KCTD20: variants seen among roughly 807,000 people sequenced by gnomAD.
KCTD20 encodes the protein BTB/POZ domain-containing protein KCTD20.
A neutral mutation model predicts 39.6 loss-of-function variants in KCTD20; 30 were observed. The ratio of observed to expected loss-of-function variants is 0.76; its 90% CI spans 0.57 to 1.03. The LOEUF is 1.03. KCTD20 is among the 50% of genes least tolerant of loss of function. The pLI, the probability that KCTD20 is intolerant of heterozygous loss-of-function variation, is 0.00. For missense variants in KCTD20, 422 were observed against 522.0 expected (o/e 0.81, Z 1.87); for synonymous variants, 162 against 180.6 (o/e 0.90, Z 0.83).
intron 5 of KCTD20, 151 bp downstream of exon 5, chr6:36,479,862 G>A: frequency 1.6e-6 from 1 of 642,314 alleles, no homozygotes; most frequent in Non-Finnish European, 2.4e-6. Context: ...CACGATCTCG[G>A]CTTACCGCAA....
rs2127454644 is a variant in KCTD20, at chr6:36,481,777, G to A, written c.856+18G>A. On this transcript the variant is annotated intron_variant, in intron 6 of 7. Transcript: ENST00000373731. Reference sequence around the variant, plus strand: ...TTCCCAAAGTAGGAGCTTCTGGCATGGCGTAGATGTTTTCAGCAAGAAACT... The same window carrying A: ...TTCCCAAAGTAGGAGCTTCTGGCATAGCGTAGATGTTTTCAGCAAGAAACT... 1.9e-6 allele frequency: 3 copies of A among 1,611,190 alleles called. No individual in the cohort carries two copies. In the East Asian group the frequency reaches 6.7e-5, roughly 36 times the overall value.
At chr6:36,448,431 C>CTTAA (rs1775125062) in intron 1 of KCTD20, among the ~76,000 whole-genome samples, 1 of 152,168 alleles carries the variant, frequency 6.6e-6, no homozygotes, top group African/African-American at 2.4e-5. Flanking sequence ...GATCACAGTA[C>CTTAA]ATATCTTAAA....
chr6:36,486,747 A>G, intron 7 of KCTD20, 136 bp from the exon 8 acceptor site: 1 of 725,740 alleles, frequency 1.4e-6, no homozygotes, highest in Non-Finnish European at 2.4e-6. Flanking sequence ...AAAGCATGGG[A>G]CAGGGACTGG....
intron 2 of KCTD20, among the ~76,000 whole-genome samples, chr6:36,473,750 G>A (rs1406858750): frequency 6.6e-6 from 1 of 152,034 alleles, no homozygotes; most frequent in Non-Finnish European, 1.5e-5. Flanking sequence ...TCCAGCCTGG[G>A]CGACAGTGTG....
At chr6:36,483,136 A>T (rs981431930) in intron 6 of KCTD20, among the ~76,000 whole-genome samples, 8 of 148,380 alleles carry the variant, frequency 5.4e-5, no homozygotes, top group Admixed American at 6.8e-5. Flanking sequence ...AAAAAAAAAA[A>T]ATTATACCTT....
intron 1 of KCTD20, among the ~76,000 whole-genome samples, chr6:36,458,183 G>T (rs1433479529): frequency 6.6e-6 from 1 of 152,120 alleles, no homozygotes; most frequent in Admixed American, 6.5e-5. Flanking sequence ...CTCCTGAGTA[G>T]CTGGGACCAC....
intron 1 of KCTD20, among the ~76,000 whole-genome samples, chr6:36,456,864 T>C (rs1775452522): frequency 6.6e-6 from 1 of 152,024 alleles, no homozygotes; most frequent in Non-Finnish European, 1.5e-5. Context: ...ATGGCGGTCT[T>C]GGTGTGTTGT....
chr6:36,475,100 C>T lies in KCTD20; in HGVS notation c.434+38C>T, dbSNP rs1046143021. 7.0e-6 allele frequency: 11 copies of T among 1,580,850 alleles called. No individual in the cohort carries two copies. In the Admixed American group the frequency reaches 9.0e-5, roughly 13 times the overall value. ...AATTTTCTTCCAAATTCATTCTGTTCTCTATAAATAAAAATACCTGCTGTT... is the reference window on the plus strand; with the variant it reads ...AATTTTCTTCCAAATTCATTCTGTTTTCTATAAATAAAAATACCTGCTGTT... On this transcript the variant is annotated intron_variant, in intron 3 of 7. Coordinates refer to ENST00000373731, the MANE Select transcript of KCTD20 (RefSeq NM_173562.5).
intron 3 of KCTD20, 105 bp downstream of exon 3, chr6:36,475,167 T>C: frequency 8.2e-7 from 1 of 1,226,034 alleles, no homozygotes; most frequent in Non-Finnish European, 1.1e-6. Context: ...TTGTATAGGT[T>C]GGGCGCGGTG....
rs1471736781 is a variant in KCTD20 at position 36,470,235 on chromosome 6, T to C, written c.138T>C (p.Tyr46=). 8 of 1,612,382 alleles carry C rather than the reference T, an allele frequency of 5.0e-6. No homozygotes were observed. The highest frequency in any genetic ancestry group is 6.8e-6 in the Non-Finnish European group (8 of 1,179,068). Residue 46 remains tyrosine, a synonymous_variant, in exon 2 of 8, where the codon TAT becomes TAC. Coordinates refer to ENST00000373731, the MANE Select transcript of KCTD20 (RefSeq NM_173562.5). Reference sequence around the variant, plus strand: ...CATCTGGTCCTCATAATCTTACTTATCCTCTAGGTCCCAGGAATGAAGGTA... The same window carrying C: ...CATCTGGTCCTCATAATCTTACTTACCCTCTAGGTCCCAGGAATGAAGGTA... ...LASSGPHNLT[Y]PLGPRNEDLS...
intron 1 of KCTD20, among the ~76,000 whole-genome samples, chr6:36,457,740 A>G (rs1775481617): frequency 6.6e-6 from 1 of 152,216 alleles, no homozygotes; most frequent in African/African-American, 2.4e-5. Flanking sequence ...TTATAGATTT[A>G]ATATGCTAAT....
chr6:36,479,019 A>C, intron 3 of KCTD20, 102 bp from the exon 4 acceptor site: 1 of 753,232 alleles, frequency 1.3e-6, no homozygotes, highest in East Asian at 2.5e-5. Context: ...ATACTATGAG[A>C]GAGTGGGATG....
In KCTD20 at chr6:36,486,904, AAATT is replaced by A; in HGVS notation, c.992_995del (p.Ile331ArgfsTer48). 6.2e-7 allele frequency: 1 copy of A among 1,612,868 alleles called. No individual in the cohort carries two copies. Among genetic ancestry groups the A allele is most frequent in the East Asian group, 2.2e-5 (1 of 44,886 alleles). On this transcript the variant is annotated frameshift_variant, in exon 8 of 8. Coordinates refer to ENST00000373731, the MANE Select transcript of KCTD20 (RefSeq NM_173562.5). LOFTEE classifies it high-confidence loss of function. ...GCAGGTTACCCTACCTGTAAAGAAAAAATTAAGAGAAGGCCTGGCGGCCGGTCTG... is the reference window on the plus strand; with the variant it reads ...GCAGGTTACCCTACCTGTAAAGAAAAAAGAGAAGGCCTGGCGGCCGGTCTG...
rs539648894 is a variant in KCTD20, at chr6:36,481,620, C to T, written c.717C>T (p.Leu239=). The change falls in exon 6 of 8, where the codon CTC becomes CTT. Residue 239 remains leucine (L), a synonymous_variant. Transcript: ENST00000373731. ...DGAHKQFDHY[L]EELILPIMVG... ...CTCATAAGCAGTTTGATCACTACCT[C>T]GAAGAGCTCATCTTGCCCATCATGG... The T allele has an allele frequency of 5.0e-6, 8 of 1,614,198 alleles. No individual in the cohort carries two copies. Among genetic ancestry groups the T allele is most frequent in the African/African-American group, 4.0e-5 (3 of 75,048 alleles).
intron 1 of KCTD20, among the ~76,000 whole-genome samples, chr6:36,444,351 C>T (rs1380808918): frequency 1.3e-5 from 2 of 152,222 alleles, no homozygotes; most frequent in Admixed American, 1.3e-4. Flanking sequence ...GAAGCCCTGA[C>T]TCTCCAGAAG....
rs550446692 is a variant in KCTD20, at chr6:36,479,635, T to C, written c.582T>C (p.Ser194=). The change falls in exon 5 of 8, where the codon TCT becomes TCC. Residue 194 remains serine (S), a synonymous_variant. Coordinates refer to ENST00000373731, the MANE Select transcript of KCTD20 (RefSeq NM_173562.5). ...TCATCAATTGTCCTGATGGCATCTC[T>C]ATCCCAGATCTTAGAGATACTTGTG... The part of the protein sequence containing the change: ...TGIINCPDGI[S]IPDLRDTCDY... 12 of 1,609,726 alleles carry C rather than the reference T, an allele frequency of 7.5e-6. No homozygotes were observed. The highest frequency in any genetic ancestry group is 1.6e-4 in the Middle Eastern group (1 of 6,078).
At chr6:36,451,258 G>A (rs888987990) in intron 1 of KCTD20, 6 of 152,150 alleles carry the variant, frequency 3.9e-5, no homozygotes, top group Non-Finnish European at 8.8e-5. Context: ...GTTTTCTTGA[G>A]AAGGTATCTG....
chr6:36,448,015 G>GTGTATA (rs559687288), intron 1 of KCTD20, among the ~76,000 whole-genome samples: 1 of 128,950 alleles, frequency 7.8e-6, no homozygotes, highest in African/African-American at 3.4e-5. Context: ...ATGTGTGTGT[G>GTGTATA]TATATATATA....
At chr6:36,449,629 C>G (rs1582298749) in intron 1 of KCTD20, among the ~76,000 whole-genome samples, 1 of 152,298 alleles carries the variant, frequency 6.6e-6, no homozygotes, top group South Asian at 2.1e-4. Flanking sequence ...CTCCAAGTCC[C>G]CACTCGACCC....
Sources: gnomAD v4.1 joint callset for allele counts (sites outside exome capture counted in the v4.1 genomes callset) on GRCh38, gnomAD v4.1.1 for gene constraint, MANE v1.5 for transcripts, NCBI Gene and HGNC (gene_info 2026-07-23, HGNC 2026-07-21) for gene names.